Variants in RAB8B observed in about 807,000 individuals in gnomAD.
RAB8B encodes ras-related protein Rab-8B.
RAB8B carries 11 observed loss-of-function variants against 32.0 expected under a neutral mutation model. The observed-to-expected ratio is 0.34, with a 90% CI of 0.22 to 0.57. RAB8B has a LOEUF of 0.57. Among genes scored for constraint, RAB8B ranks in the 20% least tolerant of loss-of-function variants. The pLI, the probability that RAB8B is intolerant of heterozygous loss-of-function variation, is 0.86. For missense variants in RAB8B, 190 were observed against 258.5 expected, an observed-to-expected ratio of 0.73 and a Z score of 1.82; for synonymous variants, 103 against 89.6, an observed-to-expected ratio of 1.15 and a Z score of -0.85.
At chr15:63,228,137 C>T (rs2037904973) in intron 1 of RAB8B, among the ~76,000 whole-genome samples, 1 of 152,172 alleles carries the variant, frequency 6.6e-6, no homozygotes, top group South Asian at 2.1e-4. Flanking sequence ...CCACCTTAGC[C>T]TCCTAAGTAG....
intron 1 of RAB8B, among the ~76,000 whole-genome samples, chr15:63,229,609 T>C (rs1287762322): frequency 2.6e-5 from 4 of 151,696 alleles, no homozygotes. Flanking sequence ...GGTGAAACCA[T>C]GTCTCAACTA....
At chr15:63,227,540 G>A (rs1043115899) in intron 1 of RAB8B, among the ~76,000 whole-genome samples, 1 of 152,196 alleles carries the variant, frequency 6.6e-6, no homozygotes, top group African/African-American at 2.4e-5. Context: ...CAATTGCAGA[G>A]GTTAATTTAC....
At chr15:63,219,383 A>T (rs552768773) in intron 1 of RAB8B, among the ~76,000 whole-genome samples, 2 of 151,994 alleles carry the variant, frequency 1.3e-5, no homozygotes, top group East Asian at 3.9e-4. Flanking sequence ...CTTTAAGCCA[A>T]TGTTTTCAAT....
At chr15:63,249,188 T>C (rs2038094885) in intron 2 of RAB8B, among the ~76,000 whole-genome samples, 1 of 152,202 alleles carries the variant, frequency 6.6e-6, no homozygotes, top group Admixed American at 6.5e-5. Flanking sequence ...GAGCAGAATG[T>C]ACACAGTAAT....
At chr15:63,228,998 A>G (rs945365263) in intron 1 of RAB8B, among the ~76,000 whole-genome samples, 1 of 152,236 alleles carries the variant, frequency 6.6e-6, no homozygotes, top group Non-Finnish European at 1.5e-5. Context: ...TTCCATATGT[A>G]CATGTATTTT....
intron 1 of RAB8B, among the ~76,000 whole-genome samples, chr15:63,220,413 A>T (rs2037834677): frequency 6.6e-6 from 1 of 151,436 alleles, no homozygotes. Flanking sequence ...GCAACCCTTT[A>T]TTGGGTCATG....
intron 3 of RAB8B, among the ~76,000 whole-genome samples, chr15:63,254,691 T>C (rs376726801): frequency 3.9e-5 from 6 of 152,232 alleles, no homozygotes; most frequent in East Asian, 1.9e-4. Flanking sequence ...GTCGGGCGGA[T>C]CACGAGGTCA....
intron 1 of RAB8B, among the ~76,000 whole-genome samples, chr15:63,216,049 A>AT (rs2037788638): frequency 6.6e-6 from 1 of 151,862 alleles, no homozygotes; most frequent in Non-Finnish European, 1.5e-5. Flanking sequence ...AAAAAGAAAA[A>AT]TTAAAGAAAA....
intron 1 of RAB8B, among the ~76,000 whole-genome samples, chr15:63,218,031 T>C (rs2037808764): frequency 6.6e-6 from 1 of 152,192 alleles, no homozygotes; most frequent in African/African-American, 2.4e-5. Context: ...CCAGTTCCTT[T>C]TTGCCTTTTT....
intron 1 of RAB8B, among the ~76,000 whole-genome samples, chr15:63,225,182 C>T (rs2037878900): frequency 6.6e-6 from 1 of 152,200 alleles, no homozygotes. Flanking sequence ...TTTGCTGAGC[C>T]TCTTAGCCTT....
chr15:63,205,236 G>A (rs1336914197), intron 1 of RAB8B, among the ~76,000 whole-genome samples: 5 of 152,240 alleles, frequency 3.3e-5, no homozygotes, highest in African/African-American at 1.2e-4. Flanking sequence ...GGAGATGGAA[G>A]TTGCAGTGAG....
chr15:63,202,214 C>T (rs2037658509), intron 1 of RAB8B, among the ~76,000 whole-genome samples: 1 of 150,946 alleles, frequency 6.6e-6, no homozygotes, highest in South Asian at 2.1e-4. Flanking sequence ...GGAGGCAGAG[C>T]TTGCAGTGAG....
intron 1 of RAB8B, among the ~76,000 whole-genome samples, chr15:63,213,658 A>G (rs536926564): frequency 6.6e-6 from 1 of 152,280 alleles, no homozygotes; most frequent in African/African-American, 2.4e-5. Context: ...GAATTCCTAC[A>G]TGAGTTCTTT....
rs1275845726 is a variant in RAB8B at position 63,254,311 on chromosome 15, CT to C, written c.247-1195del. 3.3e-5 allele frequency among the ~76,000 whole-genome samples: 5 copies of C among 152,178 alleles called. No individual in the cohort carries two copies. The East Asian group carries it at 9.6e-4, about 29-fold the overall frequency. On this transcript the variant is annotated intron_variant, in intron 3 of 7. Transcript: ENST00000321437. Reference sequence around the variant, plus strand: ...CCCTCAACCAGATTGAATTACACCCCTAGCATATGAGCTCCCCATGCATCTT... The same window carrying C: ...CCCTCAACCAGATTGAATTACACCCCAGCATATGAGCTCCCCATGCATCTT...
At chr15:63,263,390 T>G (rs2038217825) in intron 7 of RAB8B, 137 bp from the exon 8 acceptor site, 1 of 634,180 alleles carries the variant, frequency 1.6e-6, no homozygotes, top group Admixed American at 2.9e-5. Flanking sequence ...CCCGTTCTAA[T>G]AAAATACTCT....
rs114406332 is a variant in RAB8B, at chr15:63,255,239, A to G, written c.247-268A>G. Among the ~76,000 whole-genome samples the G allele has an allele frequency of 5.0e-3, 755 of 152,310 alleles. 6 individuals carry two copies. Among genetic ancestry groups the G allele is most frequent in the African/African-American group, 0.017 (721 of 41,576 alleles). On this transcript the variant is annotated intron_variant, in intron 3 of 7. Coordinates refer to ENST00000321437, the MANE Select transcript of RAB8B (RefSeq NM_016530.3). ...ATTGTTATCATGTGAGGTCAGGTAG[A>G]AAGGGTGTATCACCTTTACCACGAT... is the stretch of plus-strand genomic sequence containing the variant.
intron 3 of RAB8B, among the ~76,000 whole-genome samples, chr15:63,251,962 G>A (rs1355341606): frequency 6.6e-6 from 1 of 151,988 alleles, no homozygotes; most frequent in Non-Finnish European, 1.5e-5. Context: ...TGTCACCATG[G>A]CATTTCAAAC....
At chr15:63,263,140 T>G (rs1037624478) in intron 7 of RAB8B, among the ~76,000 whole-genome samples, 6 of 152,194 alleles carry the variant, frequency 3.9e-5, no homozygotes, top group Non-Finnish European at 7.4e-5. Context: ...TTATCCTGAG[T>G]CCTGACTATA....
intron 1 of RAB8B, among the ~76,000 whole-genome samples, chr15:63,240,068 CCTCATTTGGAGAAA>C (rs780217537): frequency 7.9e-5 from 12 of 151,926 alleles, no homozygotes; most frequent in Non-Finnish European, 1.5e-4. Context: ...AAGCAAAAGG[CCTCATTTGGAGAAA>C]CTCTGAGGTT....
Sources: gnomAD v4.1 joint callset for allele counts (sites outside exome capture counted in the v4.1 genomes callset) on GRCh38, gnomAD v4.1.1 for gene constraint, MANE v1.5 for transcripts, NCBI Gene and HGNC (gene_info 2026-07-23, HGNC 2026-07-21) for gene names.